ARMH4: variants seen among roughly 807,000 people sequenced by gnomAD.
ARMH4 encodes armadillo-like helical domain-containing protein 4.
ARMH4 carries 49 observed loss-of-function variants against 61.9 expected under a neutral mutation model. The ratio of observed to expected loss-of-function variants is 0.79; its 90% CI spans 0.63 to 1.00. The LOEUF (loss-of-function observed/expected upper bound fraction) is 1.00, where lower values mean the gene tolerates loss of function less well. ARMH4 is among the 50% of genes least tolerant of loss of function. The pLI is 0.00. For missense variants in ARMH4, 934 were observed against 930.0 expected (o/e 1.00, Z -0.06); for synonymous variants, 368 against 341.5 (o/e 1.08, Z -0.85).
chr14:58,151,568 A>G (rs897233289), intron 1 of ARMH4, among the ~76,000 whole-genome samples: 18 of 152,120 alleles, frequency 1.2e-4, no homozygotes, highest in Non-Finnish European at 2.2e-4. Context: ...GTGGCAGGAC[A>G]TATTTCGGTG....
At chr14:58,018,707 A>G (rs1460495506) in intron 5 of ARMH4, among the ~76,000 whole-genome samples, 1 of 152,216 alleles carries the variant, frequency 6.6e-6, no homozygotes, top group Non-Finnish European at 1.5e-5. Context: ...TATAGAAAAC[A>G]GTATGGAGTT....
At chr14:58,059,502 T>G (rs1315262760) in intron 5 of ARMH4, among the ~76,000 whole-genome samples, 1 of 152,204 alleles carries the variant, frequency 6.6e-6, no homozygotes, top group Admixed American at 6.5e-5. Context: ...CTTCCCAAGA[T>G]CTAGAGAATA....
Position 58,077,168 on chromosome 14 carries a change from C to A in ARMH4, c.2089+19556G>T, listed in dbSNP as rs974143773. Among the ~76,000 whole-genome samples, 9 of 152,272 alleles carry A rather than the reference C, an allele frequency of 5.9e-5. 1 individual carries two copies. Among genetic ancestry groups the A allele is most frequent in the Admixed American group, 1.3e-4 (2 of 15,286 alleles). On this transcript the variant is annotated intron_variant, in intron 5 of 7. Coordinates refer to ENST00000267485, the MANE Select transcript of ARMH4 (RefSeq NM_001001872.4). ...AGGCTGAAGAAACAAGCTAGACAGC[C>A]CTGAGCTAACCCACGTTTAGTGATT...
At chr14:58,094,869 G>T (rs924509372) in intron 5 of ARMH4, among the ~76,000 whole-genome samples, 1 of 152,150 alleles carries the variant, frequency 6.6e-6, no homozygotes, top group African/African-American at 2.4e-5. Flanking sequence ...TGTGATGGGG[G>T]TTGCATGGGT....
intron 2 of ARMH4, among the ~76,000 whole-genome samples, chr14:58,136,960 G>A (rs1411995357): frequency 6.6e-6 from 1 of 152,130 alleles, no homozygotes; most frequent in Admixed American, 6.5e-5. Context: ...AATACTATGA[G>A]ATAACTGCAG....
Position 58,005,219 on chromosome 14 carries a change from C to T in ARMH4, c.2122-37G>A, listed in dbSNP as rs778698489. The T allele has an allele frequency of 3.7e-6, 6 of 1,613,064 alleles. No homozygotes were observed. The African/African-American group carries it at 5.3e-5, about 14-fold the overall frequency. ...AGGAAACACACATTAGGATGCTAAA[C>T]AGAGCGCGCCGCCCTGGGTTTCTCA... On this transcript the variant is annotated intron_variant, in intron 6 of 7. Coordinates refer to ENST00000267485, the MANE Select transcript of ARMH4 (RefSeq NM_001001872.4).
intron 5 of ARMH4, among the ~76,000 whole-genome samples, chr14:58,044,567 T>C (rs1883859477): frequency 6.6e-6 from 1 of 152,246 alleles, no homozygotes; most frequent in Non-Finnish European, 1.5e-5. Context: ...AATGACTTCA[T>C]GTCTAAAACA....
intron 5 of ARMH4, among the ~76,000 whole-genome samples, chr14:58,043,728 C>A (rs1197493298): frequency 1.3e-5 from 2 of 152,176 alleles, no homozygotes; most frequent in Non-Finnish European, 2.9e-5. Context: ...CCCAAAATCT[C>A]CTTAAGCTGA....
At chr14:58,082,512 G>A (rs1009794027) in intron 5 of ARMH4, among the ~76,000 whole-genome samples, 2 of 152,212 alleles carry the variant, frequency 1.3e-5, no homozygotes, top group African/African-American at 4.8e-5. Context: ...GTCAATGGCA[G>A]CAAAGTGAAG....
chr14:58,114,236 A>G (rs1431372039), intron 4 of ARMH4, among the ~76,000 whole-genome samples: 1 of 152,110 alleles, frequency 6.6e-6, no homozygotes, highest in Non-Finnish European at 1.5e-5. Flanking sequence ...ACCTGGAATT[A>G]CTTTATTTTA....
intron 5 of ARMH4, among the ~76,000 whole-genome samples, chr14:58,021,378 C>T (rs1177642605): frequency 6.6e-6 from 1 of 152,204 alleles, no homozygotes; most frequent in African/African-American, 2.4e-5. Flanking sequence ...GCTCTCTTGC[C>T]TGCTGCCATG....
At chr14:58,111,682 CTTCT>C (rs1285588278) in intron 4 of ARMH4, among the ~76,000 whole-genome samples, 15 of 144,840 alleles carry the variant, frequency 1.0e-4, no homozygotes, top group African/African-American at 2.3e-4. Context: ...CTTCTTCCTT[CTTCT>C]TTTTTTTTTT....
At chr14:58,074,533 A>T (rs566980463) in intron 5 of ARMH4, among the ~76,000 whole-genome samples, 24 of 152,074 alleles carry the variant, frequency 1.6e-4, no homozygotes, top group African/African-American at 5.8e-4. Flanking sequence ...CAAAACAGTA[A>T]ATCAAGCTCT....
At chr14:58,117,530 C>T (rs1886570649) in intron 4 of ARMH4, among the ~76,000 whole-genome samples, 1 of 152,184 alleles carries the variant, frequency 6.6e-6, no homozygotes, top group South Asian at 2.1e-4. Context: ...ATCATACTTA[C>T]ATGCATTTAG....
intron 5 of ARMH4, among the ~76,000 whole-genome samples, chr14:58,068,150 C>A (rs1338572273): frequency 1.3e-5 from 2 of 152,034 alleles, no homozygotes; most frequent in Non-Finnish European, 2.9e-5. Flanking sequence ...TATTCACATC[C>A]CTGAAAATTG....
chr14:58,020,815 T>C (rs762107322), intron 5 of ARMH4, among the ~76,000 whole-genome samples: 10 of 152,128 alleles, frequency 6.6e-5, no homozygotes, highest in Non-Finnish European at 1.2e-4. Context: ...AGAGAGAGAA[T>C]GATTTATTAT....
At chr14:58,057,205 C>A (rs1430851654) in intron 5 of ARMH4, among the ~76,000 whole-genome samples, 1 of 152,144 alleles carries the variant, frequency 6.6e-6, no homozygotes, top group Non-Finnish European at 1.5e-5. Context: ...GCGAAATTGT[C>A]TAAGAAATAC....
At chr14:58,130,819 C>A (rs945709876) in intron 4 of ARMH4, among the ~76,000 whole-genome samples, 1 of 152,200 alleles carries the variant, frequency 6.6e-6, no homozygotes, top group Non-Finnish European at 1.5e-5. Context: ...TTAAAATACA[C>A]CCCACATTAA....
chr14:58,116,439 C>T (rs1279512210), intron 4 of ARMH4: 1 of 381,642 alleles, frequency 2.6e-6, no homozygotes. Context: ...CTTTGGGAGG[C>T]CGAGGCAGGC....
Sources: allele counts gnomAD v4.1 joint callset (sites outside exome capture counted in the v4.1 genomes callset), GRCh38; gene constraint gnomAD v4.1.1; transcripts MANE v1.5; gene names NCBI Gene and HGNC (gene_info 2026-07-23, HGNC 2026-07-21).